MYO10: variants seen among roughly 807,000 people sequenced by gnomAD.
MYO10 encodes unconventional myosin-X.
A neutral mutation model predicts 257.3 loss-of-function variants in MYO10; 133 were observed. That is an observed-to-expected ratio of 0.52 (90% CI 0.45 to 0.60). The LOEUF is 0.60. Among genes scored for constraint, MYO10 ranks in the 20% least tolerant of loss-of-function variants. The probability of loss-of-function intolerance (pLI) is 0.00; values close to 1 mark genes in which losing one functional copy is unlikely to be tolerated. For missense variants in MYO10, 2,399 were observed against 2,635.7 expected (o/e 0.91, Z 1.97); for synonymous variants, 1,104 against 1,028.6 (o/e 1.07, Z -1.40).
intron 2 of MYO10, among the ~76,000 whole-genome samples, chr5:16,820,395 A>G (rs772908049): frequency 5.9e-5 from 9 of 152,148 alleles, no homozygotes; most frequent in African/African-American, 9.7e-5. Context: ...TGGGGCAGAA[A>G]CAGAACTTGC....
chr5:16,788,574 C>T (rs1741661367), intron 4 of MYO10, among the ~76,000 whole-genome samples: 1 of 152,082 alleles, frequency 6.6e-6, no homozygotes, highest in Non-Finnish European at 1.5e-5. Context: ...CATGCCACCC[C>T]TGAGACATCT....
At chr5:16,922,124 A>G (rs2217341) in intron 1 of MYO10, among the ~76,000 whole-genome samples, 75,408 of 151,346 alleles carry the variant, frequency 0.5, 19,445 homozygotes, top group African/African-American at 0.62. Context: ...TGAGGCAGGC[A>G]AATCACTGGA....
intron 1 of MYO10, chr5:16,916,477 GA>G: frequency 5.7e-6 from 1 of 176,474 alleles, no homozygotes; most frequent in Non-Finnish European, 1.2e-5. Flanking sequence ...GCTAGGAAGG[GA>G]AAAGAGGAGA....
intron 1 of MYO10, among the ~76,000 whole-genome samples, chr5:16,895,753 A>AACACACACACACACACAC (rs57628919): frequency 1.5e-5 from 2 of 131,646 alleles, no homozygotes; most frequent in African/African-American, 3.1e-5. Context: ...CCAACACCAC[A>AACACACACACACACACAC]ACACACACAC....
At chr5:16,757,343 C>T (rs1250363197) in intron 18 of MYO10, among the ~76,000 whole-genome samples, 1 of 142,552 alleles carries the variant, frequency 7.0e-6, no homozygotes, top group Non-Finnish European at 1.5e-5. Context: ...CACACACACA[C>T]GGAAAAAAAA....
At chr5:16,745,376 G>A (rs1219590829) in intron 19 of MYO10, among the ~76,000 whole-genome samples, 2 of 151,594 alleles carry the variant, frequency 1.3e-5, no homozygotes, top group Non-Finnish European at 2.9e-5. Context: ...TGAACACTAA[G>A]GGCTTAAAAA....
rs536740163 is a variant in MYO10 at position 16,901,490 on chromosome 5, G to A, written c.22-23783C>T. Among the ~76,000 whole-genome samples the A allele has an allele frequency of 3.9e-5, 6 of 152,210 alleles. No homozygotes were observed. In the South Asian group the frequency reaches 1.2e-3, roughly 32 times the overall value. ...CATCTGGAAACTTTGCCAGAAGAGC[G>A]TATTTGTCTCTTACCAGCCCTGCCC... On this transcript the variant is annotated intron_variant, in intron 1 of 40. Coordinates refer to ENST00000513610, the MANE Select transcript of MYO10 (RefSeq NM_012334.3).
chr5:16,786,902 C>T (rs1336046361), intron 4 of MYO10, among the ~76,000 whole-genome samples: 2 of 151,962 alleles, frequency 1.3e-5, no homozygotes, highest in Non-Finnish European at 2.9e-5. Context: ...GGGGCAGTAG[C>T]TCACATCTGT....
At chr5:16,802,042 T>A (rs1472340908) in intron 3 of MYO10, among the ~76,000 whole-genome samples, 1 of 152,114 alleles carries the variant, frequency 6.6e-6, no homozygotes. Flanking sequence ...AGATAAACAC[T>A]GTGCGAGTCC....
chr5:16,869,191 ATT>A (rs70943814), intron 2 of MYO10, among the ~76,000 whole-genome samples: 2 of 115,860 alleles, frequency 1.7e-5, no homozygotes, highest in African/African-American at 3.3e-5. Context: ...CACCCGGCTA[ATT>A]TTTTTTTTTT....
intron 1 of MYO10, among the ~76,000 whole-genome samples, chr5:16,882,344 A>G (rs1158477345): frequency 6.6e-6 from 1 of 152,192 alleles, no homozygotes; most frequent in African/African-American, 2.4e-5. Flanking sequence ...GCTTTGGAAA[A>G]TGGTTTGGCA....
intron 1 of MYO10, among the ~76,000 whole-genome samples, chr5:16,897,921 G>T (rs1405877522): frequency 1.3e-5 from 2 of 152,238 alleles, no homozygotes; most frequent in African/African-American, 4.8e-5. Flanking sequence ...CATTTCAAGA[G>T]TGTTACTCAA....
intron 19 of MYO10, among the ~76,000 whole-genome samples, chr5:16,726,173 C>T (rs374606383): frequency 1.3e-5 from 2 of 152,304 alleles, no homozygotes; most frequent in Admixed American, 6.5e-5. Flanking sequence ...GACAAGTTTA[C>T]GTCCAAAGTG....
chr5:16,724,212 C>T (rs1739266442), intron 19 of MYO10, among the ~76,000 whole-genome samples: 1 of 152,130 alleles, frequency 6.6e-6, no homozygotes, highest in African/African-American at 2.4e-5. Flanking sequence ...AGACTAAAAG[C>T]ATAAAGAACT....
chr5:16,927,551 C>G (rs1202664391), intron 1 of MYO10, among the ~76,000 whole-genome samples: 1 of 152,126 alleles, frequency 6.6e-6, no homozygotes, highest in Non-Finnish European at 1.5e-5. Context: ...GTCTGGATCT[C>G]CTGACCTCGT....
chr5:16,865,708 G>A (rs1744224855), intron 2 of MYO10, among the ~76,000 whole-genome samples: 1 of 151,810 alleles, frequency 6.6e-6, no homozygotes, highest in Admixed American at 6.6e-5. Flanking sequence ...CTACTCGGGA[G>A]GCTTAGACAG....
intron 1 of MYO10, among the ~76,000 whole-genome samples, chr5:16,878,359 AG>A (rs1744663076): frequency 6.6e-6 from 1 of 152,224 alleles, no homozygotes; most frequent in South Asian, 2.1e-4. Flanking sequence ...AAATTTTGTT[AG>A]GATTACATGA....
Position 16,666,522 on chromosome 5 carries a change from A to G in MYO10, c.*170T>C, listed in dbSNP as rs2126445432. On this transcript the variant is annotated 3_prime_UTR_variant, in exon 41 of 41. Transcript: ENST00000513610. The stretch of plus-strand genomic sequence containing the variant: ...AAGTTGACAGCTTAATACAGGATCA[A>G]TGAAGGCGGCAGGCAAAAGGATCCT... 1.7e-6 allele frequency: 1 copy of G among 590,752 alleles called. No individual in the cohort carries two copies. Among genetic ancestry groups the G allele is most frequent in the South Asian group, 2.1e-5 (1 of 48,350 alleles). 36.6% of individuals were successfully genotyped at this position (590,752 alleles called of 1,614,324 possible). A position where few individuals can be genotyped will look rare whatever the true frequency, so the allele number is the denominator to read the frequency against.
At chr5:16,679,263 A>G (rs187037879) in intron 33 of MYO10, among the ~76,000 whole-genome samples, 4 of 152,118 alleles carry the variant, frequency 2.6e-5, no homozygotes, top group South Asian at 2.1e-4. Flanking sequence ...AAGGTCTCCA[A>G]CTGAGGCTGA....
Sources: allele counts gnomAD v4.1 joint callset (sites outside exome capture counted in the v4.1 genomes callset), GRCh38; gene constraint gnomAD v4.1.1; transcripts MANE v1.5; gene names NCBI Gene and HGNC (gene_info 2026-07-23, HGNC 2026-07-21).